Variants in ZNF439 observed in about 807,000 individuals in gnomAD.
ZNF439 encodes the protein zinc finger protein 439.
Under a neutral mutation model 47.3 loss-of-function variants are expected in ZNF439, and 40 were observed. The observed-to-expected ratio is 0.85, with a 90% CI of 0.66 to 1.10. The LOEUF is 1.10. Among genes scored for constraint, ZNF439 ranks in the 50% least tolerant of loss-of-function variants. The probability of loss-of-function intolerance (pLI) is 0.00; values close to 1 mark genes in which losing one functional copy is unlikely to be tolerated. For missense variants in ZNF439, 556 were observed against 601.1 expected (o/e 0.93, Z 0.78); for synonymous variants, 171 against 198.8 (o/e 0.86, Z 1.18).
At chr19:11,858,467 G>GAA (rs34251067) in intron 1 of ZNF439, among the ~76,000 whole-genome samples, 37 of 104,678 alleles carry the variant, frequency 3.5e-4, no homozygotes, top group Middle Eastern at 4.9e-3. Flanking sequence ...CTCCATCTCG[G>GAA]AAAAAAAAAA....
chr19:11,865,626 T>A (rs1976652157), intron 1 of ZNF439, among the ~76,000 whole-genome samples: 1 of 145,856 alleles, frequency 6.9e-6, no homozygotes, highest in South Asian at 2.2e-4. Context: ...TAATTCATAG[T>A]ACTCTGTTAT....
intron 1 of ZNF439, among the ~76,000 whole-genome samples, chr19:11,855,140 G>A (rs536063739): frequency 1.3e-5 from 2 of 152,168 alleles, no homozygotes; most frequent in African/African-American, 2.4e-5. Flanking sequence ...ATTGGATCCC[G>A]GTGTGGTATA....
intron 1 of ZNF439, among the ~76,000 whole-genome samples, chr19:11,863,666 A>G (rs566990496): frequency 1.3e-5 from 2 of 152,228 alleles, no homozygotes; most frequent in East Asian, 3.9e-4. Flanking sequence ...TCACTCACAG[A>G]TCATGTTTTT....
chr19:11,857,700 T>C (rs1050122213), intron 1 of ZNF439: 1 of 152,232 alleles, frequency 6.6e-6, no homozygotes, highest in Non-Finnish European at 1.5e-5. Context: ...TAAGTTGCAA[T>C]ACCTAGCATT....
chr19:11,865,082 G>T (rs72994211), intron 1 of ZNF439, among the ~76,000 whole-genome samples: 3,475 of 152,218 alleles, frequency 0.023, 69 homozygotes, highest in East Asian at 0.078. Context: ...ACCAGGCCAA[G>T]ATGTTATTTT....
chr19:11,855,246 C>T (rs1976353937), intron 1 of ZNF439, among the ~76,000 whole-genome samples: 2 of 152,152 alleles, frequency 1.3e-5, no homozygotes, highest in Non-Finnish European at 2.9e-5. Context: ...TTTAGGTCCC[C>T]AATCCACAAT....
At chr19:11,859,517 G>C (rs1236598082) in intron 1 of ZNF439, among the ~76,000 whole-genome samples, 1 of 152,180 alleles carries the variant, frequency 6.6e-6, no homozygotes, top group Non-Finnish European at 1.5e-5. Context: ...AGGGTATAAG[G>C]CGCATAGCAC....
intron 1 of ZNF439, 131 bp from the exon 2 acceptor site, chr19:11,866,074 G>A (rs1976671735): frequency 6.5e-7 from 1 of 1,530,898 alleles, no homozygotes; most frequent in Admixed American, 2.2e-5. Flanking sequence ...AGAGAGAAAG[G>A]GATCTGATGA....
At position 11,861,131 on chromosome 19, in the gene ZNF439, A is replaced by G. The variant is rs369100092; in HGVS notation, c.64-5074A>G. On this transcript the variant is annotated intron_variant, in intron 1 of 3. Transcript: ENST00000682736. ...GCCTCAAATCCTCCACCCTCATACC[A>G]CAGCCTAACTCTTCAAGGGCTTGCA... 5.3e-5 allele frequency among the ~76,000 whole-genome samples: 8 copies of G among 152,252 alleles called. No homozygotes were observed. The East Asian group carries it at 1.5e-3, about 29-fold the overall frequency.
rs1205506091 is a variant in ZNF439, at chr19:11,867,845, T to C, written c.791T>C (p.Ile264Thr). 6.2e-7 allele frequency: 1 copy of C among 1,613,860 alleles called. No homozygotes were observed. Among genetic ancestry groups the C allele is most frequent in the African/African-American group, 1.3e-5 (1 of 74,988 alleles). The change falls in exon 4 of 4, where the codon ATA becomes ACA. Residue 264 changes from isoleucine (I) to threonine (T), a missense_variant. Coordinates refer to ENST00000682736, the MANE Select transcript of ZNF439 (RefSeq NM_001348719.2). ...TTTAGTTATTCTGCTACCCATCGAA[T>C]ACATGAAAGAACTCACATTGGAGAA... ...KSFSYSATHR[I>T]HERTHIGEKP...
chr19:11,863,968 T>G (rs1413038703), intron 1 of ZNF439, among the ~76,000 whole-genome samples: 2 of 151,982 alleles, frequency 1.3e-5, no homozygotes, highest in African/African-American at 4.8e-5. Context: ...AAATGATCTG[T>G]CCGCCTTGAC....
intron 1 of ZNF439, among the ~76,000 whole-genome samples, chr19:11,852,989 G>A (rs1236235092): frequency 6.6e-6 from 1 of 152,074 alleles, no homozygotes; most frequent in Non-Finnish European, 1.5e-5. Context: ...GTGTGCAGTG[G>A]TGCAATCTCG....
intron 1 of ZNF439, chr19:11,856,021 C>G (rs914066636): frequency 2.0e-5 from 3 of 152,218 alleles, no homozygotes; most frequent in Non-Finnish European, 4.4e-5. Flanking sequence ...GTGTCCATCT[C>G]CTGTAGAAAC....
chr19:11,868,698 A>G lies in ZNF439; in HGVS notation c.*129A>G. Reference sequence around the variant, plus strand: ...GCCTTAATTGTTCCAGTTCCTTTCGATATCTAAAAGGACTCACAGTGGAGA... The same window carrying G: ...GCCTTAATTGTTCCAGTTCCTTTCGGTATCTAAAAGGACTCACAGTGGAGA... On this transcript the variant is annotated 3_prime_UTR_variant, in exon 4 of 4. Coordinates refer to ENST00000682736, the MANE Select transcript of ZNF439 (RefSeq NM_001348719.2). 1 of 1,049,374 alleles carries G rather than the reference A, an allele frequency of 9.5e-7. No individual in the cohort carries two copies. Among genetic ancestry groups the G allele is most frequent in the Non-Finnish European group, 1.4e-6 (1 of 702,858 alleles). The allele number at this position is 1,049,374 out of a possible 1,614,324, so 65.0% of individuals were successfully genotyped here.
intron 1 of ZNF439, 33 bp downstream of exon 1, chr19:11,848,963 G>T: frequency 6.5e-7 from 1 of 1,527,096 alleles, no homozygotes; most frequent in African/African-American, 1.4e-5. Flanking sequence ...GTGCGATGGG[G>T]GAGGGGCTGC....
chr19:11,856,785 C>T (rs1976397930), intron 1 of ZNF439: 1 of 152,170 alleles, frequency 6.6e-6, no homozygotes, highest in Non-Finnish European at 1.5e-5. Flanking sequence ...CAGAACAAAC[C>T]AGTTTATCTG....
At chr19:11,865,712 CAAAAA>C (rs71166640) in intron 1 of ZNF439, among the ~76,000 whole-genome samples, 4 of 82,028 alleles carry the variant, frequency 4.9e-5, no homozygotes, top group African/African-American at 1.4e-4. Flanking sequence ...TACACTATCA[CAAAAA>C]AAAAAAAAAA....
chr19:11,851,294 A>G (rs1976233018), intron 1 of ZNF439, among the ~76,000 whole-genome samples: 1 of 152,142 alleles, frequency 6.6e-6, no homozygotes, highest in South Asian at 2.1e-4. Context: ...AAAATTTATT[A>G]CTCTGTTGAT....
intron 1 of ZNF439, 127 bp from the exon 2 acceptor site, chr19:11,866,078 C>G: frequency 6.5e-7 from 1 of 1,534,858 alleles, no homozygotes; most frequent in Non-Finnish European, 8.7e-7. Context: ...AGAAAGGGAT[C>G]TGATGACCAA....
Sources: allele counts gnomAD v4.1 joint callset (sites outside exome capture counted in the v4.1 genomes callset), GRCh38; gene constraint gnomAD v4.1.1; transcripts MANE v1.5; gene names NCBI Gene and HGNC (gene_info 2026-07-23, HGNC 2026-07-21).